PRELID2: variants seen among roughly 807,000 people sequenced by gnomAD.
PRELID2 encodes the protein PRELI domain containing 2.
PRELID2 carries 25 observed loss-of-function variants against 28.4 expected under a neutral mutation model. That is an observed-to-expected ratio of 0.88 (90% CI 0.64 to 1.23). The LOEUF is 1.23. PRELID2 is among the 50% of genes most tolerant of loss of function. The pLI is 0.00. For missense variants in PRELID2, 201 were observed against 214.4 expected, an observed-to-expected ratio of 0.94 and a Z score of 0.39; for synonymous variants, 76 against 71.6, an observed-to-expected ratio of 1.06 and a Z score of -0.31.
chr5:145,701,975 T>C (rs1191685905), intron 1 of PRELID2, among the ~76,000 whole-genome samples: 1 of 151,888 alleles, frequency 6.6e-6, no homozygotes, highest in Non-Finnish European at 1.5e-5. Flanking sequence ...TGCTTAAACC[T>C]GGGAGGTGGA....
At position 145,628,487 on chromosome 5, in the gene PRELID2, C is replaced by G. The variant is rs145212528; in HGVS notation, n.70+136444G>C. Among the ~76,000 whole-genome samples, 6 of 152,124 alleles carry G rather than the reference C, an allele frequency of 3.9e-5. 1 individual carries two copies. In the South Asian group the frequency reaches 1.0e-3, roughly 26 times the overall value. On this transcript the variant is annotated intron_variant and non_coding_transcript_variant, in intron 1 of 2. Transcript: ENST00000510259. The stretch of plus-strand genomic sequence containing the variant: ...TACAGGTATATGCCACCATGCCTGG[C>G]GAATTTTTGTATTTTTAGTAGAGAT...
intron 1 of PRELID2, among the ~76,000 whole-genome samples, chr5:145,637,380 G>C (rs1218714912): frequency 6.6e-6 from 1 of 152,132 alleles, no homozygotes; most frequent in South Asian, 2.1e-4. Flanking sequence ...ATCAGGAAAT[G>C]AACACAGGTA....
the PRELID2 span, among the ~76,000 whole-genome samples, chr5:145,445,654 G>A: frequency 6.6e-6 from 1 of 151,732 alleles, no homozygotes; most frequent in Admixed American, 6.6e-5. Flanking sequence ...GTTATATAAG[G>A]TGCTCAAGCA....
At chr5:145,510,238 C>T (rs192362940) in intron 1 of PRELID2, among the ~76,000 whole-genome samples, 1 of 152,268 alleles carries the variant, frequency 6.6e-6, no homozygotes, top group Non-Finnish European at 1.5e-5. Context: ...TGAACTTGAC[C>T]TATCATGTTT....
the PRELID2 span, among the ~76,000 whole-genome samples, chr5:145,281,055 T>C: frequency 2.0e-5 from 3 of 152,134 alleles, no homozygotes; most frequent in Non-Finnish European, 4.4e-5. Flanking sequence ...TTCTTCTTTG[T>C]TGGCTCCATT....
intron 1 of PRELID2, among the ~76,000 whole-genome samples, chr5:145,726,956 A>G (rs1756185643): frequency 6.6e-6 from 1 of 152,214 alleles, no homozygotes; most frequent in Admixed American, 6.5e-5. Flanking sequence ...TGGGGTGATG[A>G]AGTCCAGTGG....
At chr5:145,507,553 A>G (rs763497991) in intron 1 of PRELID2, among the ~76,000 whole-genome samples, 12 of 152,150 alleles carry the variant, frequency 7.9e-5, no homozygotes, top group Non-Finnish European at 1.3e-4. Context: ...TTTTTCTAGT[A>G]TAAGTGGATC....
chr5:145,781,676 TTA>T (rs560846857), intron 5 of PRELID2, among the ~76,000 whole-genome samples: 1 of 145,728 alleles, frequency 6.9e-6, no homozygotes, highest in South Asian at 2.2e-4. Context: ...ATATATACAC[TTA>T]TATATATACA....
the PRELID2 span, among the ~76,000 whole-genome samples, chr5:145,368,633 G>A: frequency 6.6e-6 from 1 of 151,750 alleles, no homozygotes; most frequent in East Asian, 1.9e-4. Flanking sequence ...TTATTTTCTT[G>A]TTGGTTTTCA....
intron 1 of PRELID2, among the ~76,000 whole-genome samples, chr5:145,574,430 A>G (rs2149620125): frequency 6.6e-6 from 1 of 152,314 alleles, no homozygotes; most frequent in African/African-American, 2.4e-5. Context: ...TACAGCAGCA[A>G]TAGAAAACTA....
intron 2 of PRELID2, among the ~76,000 whole-genome samples, chr5:145,821,058 T>C (rs529429805): frequency 6.6e-6 from 1 of 152,116 alleles, no homozygotes; most frequent in South Asian, 2.1e-4. Flanking sequence ...ATTAGAAGCG[T>C]GCCTTTGCCT....
chr5:145,285,088 G>A, the PRELID2 span, among the ~76,000 whole-genome samples: 22 of 152,010 alleles, frequency 1.4e-4, no homozygotes, highest in Non-Finnish European at 2.4e-4. Context: ...AATTGGTAAC[G>A]GTCAGAAACA....
the PRELID2 span, among the ~76,000 whole-genome samples, chr5:145,430,600 A>G: frequency 6.6e-6 from 1 of 152,132 alleles, no homozygotes; most frequent in Non-Finnish European, 1.5e-5. Context: ...AAGCACATGG[A>G]TACTTGTCCA....
the PRELID2 span, among the ~76,000 whole-genome samples, chr5:145,233,716 C>G: frequency 4.6e-5 from 7 of 152,250 alleles, no homozygotes; most frequent in South Asian, 1.0e-3. Context: ...CAGTAAACAT[C>G]GTTTCTATTG....
At chr5:145,784,500 C>T (rs929205765) in intron 5 of PRELID2, among the ~76,000 whole-genome samples, 2 of 152,046 alleles carry the variant, frequency 1.3e-5, no homozygotes, top group Admixed American at 6.6e-5. Flanking sequence ...GCCAAATTTG[C>T]GGAATTCTCT....
chr5:145,415,441 C>A, the PRELID2 span, among the ~76,000 whole-genome samples: 1 of 147,972 alleles, frequency 6.8e-6, no homozygotes, highest in Non-Finnish European at 1.5e-5. Context: ...CACCCCCACC[C>A]CACAACAGTC....
chr5:145,692,823 T>C (rs1486000651), intron 1 of PRELID2, among the ~76,000 whole-genome samples: 2 of 152,206 alleles, frequency 1.3e-5, no homozygotes, highest in African/African-American at 4.8e-5. Context: ...ATTTGCTTTA[T>C]TTTACTTGCT....
At chr5:145,430,893 T>A in the PRELID2 span, among the ~76,000 whole-genome samples, 1 of 151,850 alleles carries the variant, frequency 6.6e-6, no homozygotes, top group Non-Finnish European at 1.5e-5. Flanking sequence ...TCATACCTAA[T>A]CTAGTAATTC....
chr5:145,417,122 C>T, the PRELID2 span, among the ~76,000 whole-genome samples: 1 of 152,018 alleles, frequency 6.6e-6, no homozygotes, highest in Non-Finnish European at 1.5e-5. Flanking sequence ...ATTATAAATA[C>T]CTCTATGCAC....
Sources: gnomAD v4.1 joint callset for allele counts (sites outside exome capture counted in the v4.1 genomes callset) on GRCh38, gnomAD v4.1.1 for gene constraint, MANE v1.5 for transcripts, NCBI Gene and HGNC (gene_info 2026-07-23, HGNC 2026-07-21) for gene names.